Variants in NFIC observed in about 807,000 individuals in gnomAD.
The protein encoded by NFIC is nuclear factor 1 C-type.
A neutral mutation model predicts 54.4 loss-of-function variants in NFIC; 12 were observed. The observed-to-expected ratio is 0.22, with a 90% CI of 0.14 to 0.36. The LOEUF is 0.36. NFIC is among the 10% of genes least tolerant of loss of function. The pLI is 1.00. For synonymous variants in NFIC, 322 were observed against 319.2 expected (o/e 1.01, Z -0.09); for missense variants, 575 against 718.2 (o/e 0.80, Z 2.28).
At chr19:3,418,604 C>T (rs2081905117) in intron 2 of NFIC, among the ~76,000 whole-genome samples, 1 of 152,122 alleles carries the variant, frequency 6.6e-6, no homozygotes, top group Non-Finnish European at 1.5e-5. Context: ...GTAATCCCAG[C>T]ACTTTGGGAG....
At chr19:3,456,082 A>C (rs1376129668) in intron 9 of NFIC, among the ~76,000 whole-genome samples, 1 of 152,208 alleles carries the variant, frequency 6.6e-6, no homozygotes, top group Non-Finnish European at 1.5e-5. Context: ...TGAGGCTGAA[A>C]TATAAATACG....
At position 3,456,722 on chromosome 19, in the gene NFIC, G is replaced by T. The variant is rs985719359; in HGVS notation, c.1509+87G>T. 1.1e-5 allele frequency: 14 copies of T among 1,251,046 alleles called. No individual in the cohort carries two copies. The Admixed American group carries it at 1.6e-4, about 15-fold the overall frequency. The allele number at this position is 1,251,046 out of a possible 1,614,324, so 77.5% of individuals were successfully genotyped here. ...GGCTCAGGGCGAAGAGGGCCTGCTG[G>T]GTCCCACGCCACACCCCTGGCACAG... is the stretch of plus-strand genomic sequence containing the variant. On this transcript the variant is annotated intron_variant, in intron 10 of 10. Coordinates refer to ENST00000443272, the MANE Select transcript of NFIC (RefSeq NM_001245002.2).
At chr19:3,457,653 G>GT (rs1160797185) in intron 10 of NFIC, among the ~76,000 whole-genome samples, 4 of 152,306 alleles carry the variant, frequency 2.6e-5, no homozygotes, top group South Asian at 2.1e-4. Flanking sequence ...CCACGGAACT[G>GT]CAGAGCGTGG....
intron 6 of NFIC, among the ~76,000 whole-genome samples, chr19:3,443,403 AC>A (rs2082322695): frequency 6.6e-6 from 1 of 151,994 alleles, no homozygotes; most frequent in East Asian, 1.9e-4. Context: ...AGTCTGGGCA[AC>A]AGCGTGAGAC....
Position 3,435,554 on chromosome 19 carries a change from G to A in NFIC, c.958+347G>A, listed in dbSNP as rs184415441. On this transcript the variant is annotated intron_variant, in intron 6 of 10. Transcript: ENST00000443272. ...AACAGGGCGCCTCTTCCTGGGATCT[G>A]TCATAGAATCCCTCGTCTGTAGGGA... 9.8e-4 allele frequency among the ~76,000 whole-genome samples: 149 copies of A among 152,344 alleles called. 1 individual carries two copies. Among genetic ancestry groups the A allele is most frequent in the African/African-American group, 3.5e-3 (144 of 41,576 alleles).
chr19:3,397,959 A>G (rs539399061), intron 2 of NFIC, among the ~76,000 whole-genome samples: 1 of 152,154 alleles, frequency 6.6e-6, no homozygotes, highest in East Asian at 1.9e-4. Flanking sequence ...CCTTGGATAA[A>G]TCCCTTCATC....
rs2082734241 is a variant in NFIC at position 3,467,753 on chromosome 19, C to CTATATATATATA, written c.*4988_*4989insTATATATATATA. The CTATATATATATA allele has an allele frequency of 3.1e-5, 1 of 31,796 alleles. No individual in the cohort carries two copies. Among genetic ancestry groups the CTATATATATATA allele is most frequent in the Non-Finnish European group, 5.1e-5 (1 of 19,630 alleles). 2.0% of individuals were successfully genotyped at this position (31,796 alleles called of 1,614,324 possible). A position where few individuals can be genotyped will look rare whatever the true frequency, so the allele number is the denominator to read the frequency against. On this transcript the variant is annotated 3_prime_UTR_variant, in exon 11 of 11. Coordinates refer to ENST00000443272, the MANE Select transcript of NFIC (RefSeq NM_001245002.2). ...CTTTGACCTCCAGTGTAGGGCTATACTATACATATATATATATATATATAT... is the reference window on the plus strand; with the variant it reads ...CTTTGACCTCCAGTGTAGGGCTATACTATATATATATATATACATATATATATATATATATAT...
intron 1 of NFIC, among the ~76,000 whole-genome samples, chr19:3,360,029 G>A (rs2080789749): frequency 6.7e-6 from 1 of 148,824 alleles, no homozygotes; most frequent in African/African-American, 2.5e-5. Flanking sequence ...GACCCCAGGC[G>A]GGAGGGCGCG....
At chr19:3,397,407 G>A (rs2081481994) in intron 2 of NFIC, among the ~76,000 whole-genome samples, 1 of 152,200 alleles carries the variant, frequency 6.6e-6, no homozygotes. Context: ...CAGGCCGCAG[G>A]TTCAGCTGGC....
At position 3,383,253 on chromosome 19, in the gene NFIC, C is replaced by T. The variant is rs189688901; in HGVS notation, c.562+1010C>T. 8.1e-4 allele frequency among the ~76,000 whole-genome samples: 123 copies of T among 152,234 alleles called. No homozygotes were observed. In the East Asian group the frequency reaches 0.011, roughly 14 times the overall value. On this transcript the variant is annotated intron_variant, in intron 2 of 10. Coordinates refer to ENST00000443272, the MANE Select transcript of NFIC (RefSeq NM_001245002.2). Reference sequence around the variant, plus strand: ...CTGGCCCTGCCAGAGGGGTGTTTGCCGGTGGTCAAATGCCTGATGTTGAGA... The same window carrying T: ...CTGGCCCTGCCAGAGGGGTGTTTGCTGGTGGTCAAATGCCTGATGTTGAGA...
chr19:3,420,058 C>T (rs2081929384), intron 2 of NFIC, among the ~76,000 whole-genome samples: 1 of 152,138 alleles, frequency 6.6e-6, no homozygotes, highest in South Asian at 2.1e-4. Context: ...TGGTAGCTCA[C>T]ACCTGTAATC....
chr19:3,447,528 C>T (rs138054116), intron 6 of NFIC, among the ~76,000 whole-genome samples: 1 of 152,324 alleles, frequency 6.6e-6, no homozygotes, highest in Admixed American at 6.5e-5. Flanking sequence ...ATTCTTCCAG[C>T]TGGGTGGCTG....
chr19:3,423,027 G>A (rs1307675468), intron 2 of NFIC, among the ~76,000 whole-genome samples: 5 of 148,814 alleles, frequency 3.4e-5, no homozygotes, highest in South Asian at 2.1e-4. Context: ...TGAAACTCCC[G>A]TCTCTACTAA....
upstream of NFIC, among the ~76,000 whole-genome samples, chr19:3,362,396 G>T (rs2080822518): frequency 6.6e-6 from 1 of 151,160 alleles, no homozygotes. Context: ...GGCTGTGTGT[G>T]TGCCATGTGG....
rs1279809596 is a variant in NFIC, at chr19:3,370,907, G to C, written c.30+4241G>C. Among the ~76,000 whole-genome samples the C allele has an allele frequency of 3.9e-5, 6 of 152,166 alleles. No individual in the cohort carries two copies. Among genetic ancestry groups the C allele is most frequent in the Admixed American group, 3.9e-4 (6 of 15,274 alleles). ...TGCCCATCTGCCCTGAGCACACAGC[G>C]TGCGGGCACCCAAGTCCTGACCAGT... On this transcript the variant is annotated intron_variant, in intron 1 of 10. Coordinates refer to ENST00000443272, the MANE Select transcript of NFIC (RefSeq NM_001245002.2). This position sits in a 1 kb window ranked among gnomAD's most constrained non-coding sequence, Gnocchi z 5.2.
intron 9 of NFIC, among the ~76,000 whole-genome samples, chr19:3,454,551 C>T (rs975029714): frequency 1.3e-5 from 2 of 151,952 alleles, no homozygotes; most frequent in Non-Finnish European, 2.9e-5. Flanking sequence ...CTGGATGGCC[C>T]CTCGGTCCTG....
rs149059431 is a variant in NFIC at position 3,397,614 on chromosome 19, C to G, written c.562+15371C>G. ...CTATTCCCACCCCACCTCGCTCTCTCTCCCGGCCTTGCGAGTCTCCTCCCA... is the reference window on the plus strand; with the variant it reads ...CTATTCCCACCCCACCTCGCTCTCTGTCCCGGCCTTGCGAGTCTCCTCCCA... On this transcript the variant is annotated intron_variant, in intron 2 of 10. Transcript: ENST00000443272. Among the ~76,000 whole-genome samples, 834 of 152,346 alleles carry G rather than the reference C, an allele frequency of 5.5e-3. 3 individuals carry two copies. The highest frequency in any genetic ancestry group is 7.6e-3 in the Non-Finnish European group (516 of 68,026).
rs1282932122 is a variant in NFIC at position 3,375,976 on chromosome 19, G to C, written c.31-5736G>C. ...TGAGAAAGGGACCCGTGGCCTTCCAGGGGGTCAGGGCCCTGATTCTTATCC... is the reference window on the plus strand; with the variant it reads ...TGAGAAAGGGACCCGTGGCCTTCCACGGGGTCAGGGCCCTGATTCTTATCC... On this transcript the variant is annotated intron_variant, in intron 1 of 10. Coordinates refer to ENST00000443272, the MANE Select transcript of NFIC (RefSeq NM_001245002.2). The surrounding 1 kb of genome is among the most constrained non-coding windows in gnomAD (Gnocchi z 4.6). Among the ~76,000 whole-genome samples the C allele has an allele frequency of 6.6e-6, 1 of 152,060 alleles. No homozygotes were observed. The highest frequency in any genetic ancestry group is 1.5e-5 in the Non-Finnish European group (1 of 68,000).
chr19:3,361,377 G>A (rs1055757874), intron 1 of NFIC, among the ~76,000 whole-genome samples: 9 of 152,148 alleles, frequency 5.9e-5, no homozygotes, highest in African/African-American at 1.9e-4. Flanking sequence ...TGGGGAGAGC[G>A]TAGGGGCACC....
Sources: gnomAD v4.1 joint callset for allele counts (sites outside exome capture counted in the v4.1 genomes callset) on GRCh38, gnomAD v4.1.1 for gene constraint, Gnocchi (gnomAD v3.1) non-coding constraint, MANE v1.5 for transcripts, NCBI Gene and HGNC (gene_info 2026-07-23, HGNC 2026-07-21) for gene names.